The following COX7B2 variants were observed in gnomAD, a reference collection of about 807,000 sequenced individuals.
COX7B2 encodes the protein cytochrome c oxidase subunit 7B2, mitochondrial.
For missense variants in COX7B2, 109 were observed against 95.9 expected, an observed-to-expected ratio of 1.14 and a Z score of -0.57; for synonymous variants, 37 against 32.1, an observed-to-expected ratio of 1.15 and a Z score of -0.51.
At chr4:46,888,549 T>C (rs1294951715) in intron 1 of COX7B2, among the ~76,000 whole-genome samples, 1 of 151,906 alleles carries the variant, frequency 6.6e-6, no homozygotes, top group African/African-American at 2.4e-5. Flanking sequence ...GTTCACGCCA[T>C]TCTCCTGCCT....
At chr4:46,754,298 G>C (rs1334706851) in intron 2 of COX7B2, among the ~76,000 whole-genome samples, 2 of 151,214 alleles carry the variant, frequency 1.3e-5, no homozygotes, top group Non-Finnish European at 2.9e-5. Context: ...CAATAGCAAA[G>C]ACTTGGAACC....
chr4:46,750,599 C>T (rs1715310726), intron 2 of COX7B2, among the ~76,000 whole-genome samples: 1 of 152,120 alleles, frequency 6.6e-6, no homozygotes, highest in Admixed American at 6.6e-5. Flanking sequence ...TTTCTAACTT[C>T]TTTTAAGGTA....
chr4:46,742,527 G>A (rs139666357), intron 2 of COX7B2, among the ~76,000 whole-genome samples: 5 of 152,096 alleles, frequency 3.3e-5, no homozygotes, highest in South Asian at 2.1e-4. Flanking sequence ...AAGCAATGCC[G>A]CTGGTAAAAA....
intron 2 of COX7B2, among the ~76,000 whole-genome samples, chr4:46,785,607 A>C (rs1218873824): frequency 6.6e-6 from 1 of 152,230 alleles, no homozygotes; most frequent in Non-Finnish European, 1.5e-5. Flanking sequence ...AGATTTCTTC[A>C]TATCATTCAT....
At chr4:46,826,037 A>T (rs1050435391) in intron 2 of COX7B2, among the ~76,000 whole-genome samples, 1 of 152,240 alleles carries the variant, frequency 6.6e-6, no homozygotes, top group Non-Finnish European at 1.5e-5. Context: ...GTGGGATCTA[A>T]TTAAACTTAA....
chr4:46,842,736 AT>A (rs544068378), intron 2 of COX7B2, among the ~76,000 whole-genome samples: 3 of 152,106 alleles, frequency 2.0e-5, no homozygotes, highest in East Asian at 3.9e-4. Context: ...CGAACTCATC[AT>A]TTTTTATGGC....
intron 2 of COX7B2, among the ~76,000 whole-genome samples, chr4:46,803,531 T>C (rs1456281744): frequency 6.6e-6 from 1 of 152,168 alleles, no homozygotes; most frequent in African/African-American, 2.4e-5. Context: ...CTTAAGGTAA[T>C]GTTCCTTTAA....
intron 1 of COX7B2, among the ~76,000 whole-genome samples, chr4:46,857,970 TTTAAC>T (rs1717097176): frequency 6.6e-6 from 1 of 152,196 alleles, no homozygotes; most frequent in Non-Finnish European, 1.5e-5. Flanking sequence ...ACTAGCATGT[TTTAAC>T]TTATCATTTT....
chr4:46,791,138 A>T (rs1718020415), intron 2 of COX7B2, among the ~76,000 whole-genome samples: 1 of 151,102 alleles, frequency 6.6e-6, no homozygotes, highest in Non-Finnish European at 1.5e-5. Context: ...AGCTGGGACT[A>T]CAGGCGCCCG....
rs538623721 is a variant in COX7B2 at position 46,903,161 on chromosome 4, A to G, written c.-105+5999T>C. Among the ~76,000 whole-genome samples, 33 of 152,354 alleles carry G rather than the reference A, an allele frequency of 2.2e-4. No individual in the cohort carries two copies. The East Asian group carries it at 6.0e-3, about 28-fold the overall frequency. ...TAAATCACCTTGGAAATTCAAATAAAAAACCATTAACACTCAAAGAAATTA... is the reference window on the plus strand; with the variant it reads ...TAAATCACCTTGGAAATTCAAATAAGAAACCATTAACACTCAAAGAAATTA... On this transcript the variant is annotated intron_variant, in intron 1 of 2. Coordinates refer to ENST00000355591, the MANE Select transcript of COX7B2 (RefSeq NM_130902.3).
intron 2 of COX7B2, among the ~76,000 whole-genome samples, chr4:46,759,550 C>T (rs1716005466): frequency 6.6e-6 from 1 of 151,932 alleles, no homozygotes; most frequent in African/African-American, 2.4e-5. Context: ...TGAACAGACG[C>T]TTCTCAAAAG....
intron 1 of COX7B2, among the ~76,000 whole-genome samples, chr4:46,845,439 T>C (rs1289725905): frequency 6.6e-6 from 1 of 151,972 alleles, no homozygotes; most frequent in African/African-American, 2.4e-5. Flanking sequence ...AATGGACTTC[T>C]CTAATGTTTG....
At chr4:46,742,693 C>T (rs1354642707) in intron 2 of COX7B2, among the ~76,000 whole-genome samples, 1 of 152,028 alleles carries the variant, frequency 6.6e-6, no homozygotes, top group Non-Finnish European at 1.5e-5. Flanking sequence ...AACAGAAAGG[C>T]AGATTATAGC....
At chr4:46,796,535 G>A (rs1238657356) in intron 2 of COX7B2, among the ~76,000 whole-genome samples, 9 of 116,350 alleles carry the variant, frequency 7.7e-5, no homozygotes, top group African/African-American at 1.5e-4. Flanking sequence ...TCAGTGTGGC[G>A]ATTCCTCAGG....
At position 46,785,692 on chromosome 4, in the gene COX7B2, A is replaced by G. The variant is rs77821087; in HGVS notation, c.-49-50451T>C. Among the ~76,000 whole-genome samples the G allele has an allele frequency of 3.1e-3, 469 of 152,334 alleles. 3 individuals are homozygous for G. The highest frequency in any genetic ancestry group is 0.01 in the African/African-American group (424 of 41,566). ...TAAAAGCAATGACAAGCATGTTAAG[A>G]TATTAATAAAAGGACAAGGATAAAA... On this transcript the variant is annotated intron_variant, in intron 2 of 2. Coordinates refer to ENST00000355591, the MANE Select transcript of COX7B2 (RefSeq NM_130902.3).
At chr4:46,780,631 T>A (rs550355133) in intron 2 of COX7B2, among the ~76,000 whole-genome samples, 4 of 152,260 alleles carry the variant, frequency 2.6e-5, no homozygotes, top group Non-Finnish European at 5.9e-5. Context: ...CCCTAAGGAC[T>A]TAAATGATTG....
At chr4:46,855,171 T>C (rs1052862031) in intron 1 of COX7B2, among the ~76,000 whole-genome samples, 2 of 151,928 alleles carry the variant, frequency 1.3e-5, no homozygotes, top group African/African-American at 2.4e-5. Context: ...CTACTAAAAA[T>C]ACAAAATTAG....
chr4:46,748,547 C>G (rs1293682468), intron 2 of COX7B2, among the ~76,000 whole-genome samples: 1 of 152,268 alleles, frequency 6.6e-6, no homozygotes, highest in African/African-American at 2.4e-5. Flanking sequence ...TCCAGTCACT[C>G]TTCTTTCACT....
At chr4:46,759,008 C>CTGG (rs1208871594) in intron 2 of COX7B2, among the ~76,000 whole-genome samples, 2 of 152,120 alleles carry the variant, frequency 1.3e-5, no homozygotes, top group Non-Finnish European at 2.9e-5. Context: ...GAACCACAAA[C>CTGG]TGGCCCTCCT....
Sources: gnomAD v4.1 joint callset for allele counts (sites outside exome capture counted in the v4.1 genomes callset) on GRCh38, gnomAD v4.1.1 for gene constraint, MANE v1.5 for transcripts, NCBI Gene and HGNC (gene_info 2026-07-23, HGNC 2026-07-21) for gene names.